Variants in PEX14 observed in about 807,000 individuals in gnomAD.
PEX14 encodes the protein peroxisomal biogenesis factor 14, also known as peroxisomal membrane protein PEX14.
In PEX14, 15 loss-of-function variants were observed where a neutral mutation model predicts 49.5. The ratio of observed to expected loss-of-function variants is 0.30; its 90% confidence interval spans 0.20 to 0.47. The LOEUF (loss-of-function observed/expected upper bound fraction) is 0.47, where lower values mean the gene tolerates loss of function less well. Among genes scored for constraint, PEX14 ranks in the 20% least tolerant of loss-of-function variants. The pLI is 1.00. For synonymous variants in PEX14, 210 were observed against 212.7 expected, an observed-to-expected ratio of 0.99 and a Z score of 0.11; for missense variants, 398 against 494.8, an observed-to-expected ratio of 0.80 and a Z score of 1.86.
chr1:10,618,339 A>G lies in PEX14; in HGVS notation c.306A>G (p.Ala102=). 6.2e-7 allele frequency: 1 copy of G among 1,613,754 alleles called. No homozygotes were observed. The part of the protein sequence containing the change: ...PHLISQPYSP[A]GSRWRDYGAL... ...TCCTCTTCCCGCCTGTAGGTCCCGC[A>G]GGCTCCCGATGGCGAGATTACGGCG... is the stretch of plus-strand genomic sequence containing the variant. Residue 102 remains alanine (A), a synonymous_variant, in exon 5 of 9, where the codon GCA becomes GCG. Coordinates refer to ENST00000356607, the MANE Select transcript of PEX14 (RefSeq NM_004565.3).
In PEX14 at chr1:10,630,297, G is replaced by A. The variant is rs577844206; in HGVS notation, c.*310G>A. The A allele has an allele frequency of 2.8e-5, 14 of 492,418 alleles. No individual in the cohort carries two copies. Among genetic ancestry groups the A allele is most frequent in the South Asian group, 2.5e-4 (9 of 36,084 alleles). 30.5% of individuals were successfully genotyped at this position (492,418 alleles called of 1,614,324 possible). ...AAGCCCCTCCCCAGCCCCCTCTCCC[G>A]GACAGACGCCTTGCCCAGGGTGTGT... On this transcript the variant is annotated 3_prime_UTR_variant, in exon 9 of 9. Coordinates refer to ENST00000356607, the MANE Select transcript of PEX14 (RefSeq NM_004565.3). This position sits in a 1 kb window ranked among gnomAD's most constrained non-coding sequence, Gnocchi z 4.1.
chr1:10,498,334 G>A (rs1040639909), intron 2 of PEX14, among the ~76,000 whole-genome samples: 15 of 152,066 alleles, frequency 9.9e-5, no homozygotes, highest in Admixed American at 9.8e-4. Flanking sequence ...GAAAATAAAA[G>A]TAAATTACGA....
chr1:10,580,277 T>A (rs1013619793), intron 3 of PEX14, among the ~76,000 whole-genome samples: 2 of 152,256 alleles, frequency 1.3e-5, no homozygotes, highest in Non-Finnish European at 2.9e-5. Flanking sequence ...CAGGCTGGCA[T>A]GCAGTGGCAC....
chr1:10,484,297 C>T (rs1423767072), intron 1 of PEX14, among the ~76,000 whole-genome samples: 2 of 151,654 alleles, frequency 1.3e-5, no homozygotes, highest in African/African-American at 4.9e-5. Context: ...CTCGGCCTCC[C>T]AAAGTGCTGG....
chr1:10,571,570 A>T lies in PEX14; in HGVS notation c.170-27668A>T, dbSNP rs1479874444. 4.6e-5 allele frequency among the ~76,000 whole-genome samples: 7 copies of T among 152,224 alleles called. No individual in the cohort carries two copies. In the East Asian group the frequency reaches 1.2e-3, roughly 25 times the overall value. On this transcript the variant is annotated intron_variant, in intron 3 of 8. Transcript: ENST00000356607. ...ATGCCTAGAATCCCAGCACTTTGGG[A>T]GGCCGAGGCGGGCGGATCACTTGAG...
chr1:10,565,616 A>G (rs144662793), intron 3 of PEX14, among the ~76,000 whole-genome samples: 13 of 152,308 alleles, frequency 8.5e-5, no homozygotes, highest in African/African-American at 3.1e-4. Flanking sequence ...CAAATTGACT[A>G]TTCATGTATT....
At chr1:10,621,693 G>T (rs1185497977) in intron 5 of PEX14, among the ~76,000 whole-genome samples, 1 of 152,158 alleles carries the variant, frequency 6.6e-6, no homozygotes, top group African/African-American at 2.4e-5. Context: ...TGAAGTGTAA[G>T]GCTACCTTTG....
chr1:10,532,713 A>G (rs1473591451), intron 2 of PEX14, among the ~76,000 whole-genome samples: 1 of 152,162 alleles, frequency 6.6e-6, no homozygotes, highest in African/African-American at 2.4e-5. Flanking sequence ...GTTGGGCACA[A>G]ATATAACCCA....
At chr1:10,525,640 C>T (rs1369872932) in intron 2 of PEX14, among the ~76,000 whole-genome samples, 6 of 151,626 alleles carry the variant, frequency 4.0e-5, no homozygotes, top group African/African-American at 1.5e-4. Flanking sequence ...ATTTTTTTTT[C>T]TTCAAAATGG....
chr1:10,581,981 G>A (rs1352606150), intron 3 of PEX14, among the ~76,000 whole-genome samples: 1 of 143,628 alleles, frequency 7.0e-6, no homozygotes, highest in East Asian at 2.2e-4. Context: ...TTAATTTTAT[G>A]TACTATATCT....
chr1:10,550,293 G>T lies in PEX14; in HGVS notation c.169+13996G>T, dbSNP rs143700129. On this transcript the variant is annotated intron_variant, in intron 3 of 8. Transcript: ENST00000356607. ...CAGGAAAGGAGCTTGATTTGATCTA[G>T]GAACTCCTGCAGCAGTGAGTGAAAA... is the stretch of plus-strand genomic sequence containing the variant. 1.3e-3 allele frequency among the ~76,000 whole-genome samples: 195 copies of T among 152,318 alleles called. 2 individuals carry two copies. The highest frequency in any genetic ancestry group is 7.7e-3 in the South Asian group (37 of 4,820).
Position 10,584,995 on chromosome 1 carries a change from G to A in PEX14, c.170-14243G>A, listed in dbSNP as rs193152031. ...GTGGAGGGAAAGTTATATGTGCGAG[G>A]ATCTTTGGGGGAACAGTAAAATTTC... is the stretch of plus-strand genomic sequence containing the variant. On this transcript the variant is annotated intron_variant, in intron 3 of 8. Coordinates refer to ENST00000356607, the MANE Select transcript of PEX14 (RefSeq NM_004565.3). Among the ~76,000 whole-genome samples the A allele has an allele frequency of 5.3e-4, 80 of 152,282 alleles. 1 individual carries two copies. Among genetic ancestry groups the A allele is most frequent in the African/African-American group, 1.8e-3 (75 of 41,542 alleles).
At chr1:10,503,035 A>G (rs1459460396) in intron 2 of PEX14, among the ~76,000 whole-genome samples, 6 of 151,728 alleles carry the variant, frequency 4.0e-5, no homozygotes, top group Non-Finnish European at 7.4e-5. Context: ...TCCTGGGCTC[A>G]AGCGATCCCC....
intron 3 of PEX14, among the ~76,000 whole-genome samples, chr1:10,546,422 G>A (rs1382866691): frequency 1.3e-5 from 2 of 151,900 alleles, no homozygotes; most frequent in African/African-American, 2.4e-5. Flanking sequence ...AAAATTAGCC[G>A]GGTGTGGTGA....
chr1:10,605,742 C>A (rs1185703932), intron 4 of PEX14, among the ~76,000 whole-genome samples: 3 of 152,248 alleles, frequency 2.0e-5, no homozygotes, highest in Non-Finnish European at 4.4e-5. Flanking sequence ...CCATTTCTTT[C>A]TCTGCTGGTT....
intron 1 of PEX14, among the ~76,000 whole-genome samples, chr1:10,483,713 A>T (rs1481798137): frequency 2.0e-5 from 3 of 151,422 alleles, no homozygotes; most frequent in African/African-American, 7.3e-5. Context: ...GTGTGTTGTG[A>T]TCAGTTTGAG....
intron 3 of PEX14, among the ~76,000 whole-genome samples, chr1:10,598,514 C>T (rs1048377293): frequency 3.9e-5 from 6 of 152,208 alleles, no homozygotes; most frequent in African/African-American, 1.2e-4. Context: ...TGGCGCCCTG[C>T]CACTTCCTGA....
In PEX14 at chr1:10,621,856, GCTTCT is replaced by G. The variant is rs755296180; in HGVS notation, c.385-1162_385-1158del. Among the ~76,000 whole-genome samples the G allele has an allele frequency of 3.5e-4, 53 of 152,294 alleles. No individual in the cohort carries two copies. The East Asian group carries it at 4.1e-3, about 12-fold the overall frequency. On this transcript the variant is annotated intron_variant, in intron 5 of 8. Coordinates refer to ENST00000356607, the MANE Select transcript of PEX14 (RefSeq NM_004565.3). Reference sequence around the variant, plus strand: ...GTTCCCACAAACCCCTTGTGAGAGAGCTTCTTTTCCTTCCCTGGTACAGAAACCGT... The same window carrying G: ...GTTCCCACAAACCCCTTGTGAGAGAGTTTCCTTCCCTGGTACAGAAACCGT...
At chr1:10,545,242 A>G (rs1639134460) in intron 3 of PEX14, among the ~76,000 whole-genome samples, 1 of 152,028 alleles carries the variant, frequency 6.6e-6, no homozygotes, top group South Asian at 2.1e-4. Flanking sequence ...CTACCTGTTG[A>G]TGGACATTTG....
Sources: gnomAD v4.1 joint callset for allele counts (sites outside exome capture counted in the v4.1 genomes callset) on GRCh38, gnomAD v4.1.1 for gene constraint, Gnocchi (gnomAD v3.1) non-coding constraint, MANE v1.5 for transcripts, NCBI Gene and HGNC (gene_info 2026-07-23, HGNC 2026-07-21) for gene names.